Variants in NTHL1 observed in about 807,000 individuals in gnomAD.
NTHL1 encodes nth like DNA glycosylase 1.
In NTHL1, 32 loss-of-function variants were observed where a neutral mutation model predicts 32.3. That is an observed-to-expected ratio of 0.99 (90% CI 0.75 to 1.33). The LOEUF is 1.33. NTHL1 is among the 40% of genes most tolerant of loss of function. NTHL1 has a pLI of 0.00. For missense variants in NTHL1, 501 were observed against 414.1 expected (o/e 1.21, Z -1.82); for synonymous variants, 188 against 176.9 (o/e 1.06, Z -0.50).
chr16:2,040,348 C>T (rs1184865037), intron 4 of NTHL1, 110 bp from the exon 5 acceptor site: 2 of 987,042 alleles, frequency 2.0e-6, no homozygotes, highest in Admixed American at 1.7e-5. Context: ...TCCAGTTAGA[C>T]ATTGGAACCG....
At chr16:2,046,922 A>T (rs1764331778) in intron 1 of NTHL1, 3 of 154,424 alleles carry the variant, frequency 1.9e-5, no homozygotes, top group Admixed American at 1.9e-4. Context: ...CAGTGAGCTG[A>T]GATCACAACA....
chr16:2,044,550 C>G lies in NTHL1; in HGVS notation c.525+80G>C. On this transcript the variant is annotated intron_variant, in intron 3 of 5. Transcript: ENST00000651570. This position sits in a 1 kb window ranked among gnomAD's most constrained non-coding sequence, Gnocchi z 5.0. Reference sequence around the variant, plus strand: ...AGATGCTTGACCCTCACTTCCTGCACCGTCGCCACCCCCCTCAGCCTTCTG... The same window carrying G: ...AGATGCTTGACCCTCACTTCCTGCAGCGTCGCCACCCCCCTCAGCCTTCTG... 6.4e-7 allele frequency: 1 copy of G among 1,571,316 alleles called. No homozygotes were observed. The highest frequency in any genetic ancestry group is 8.6e-7 in the Non-Finnish European group (1 of 1,157,568).
In NTHL1 at chr16:2,039,915, A is replaced by G. The variant is rs2084235434; in HGVS notation, c.*9T>C. The G allele has an allele frequency of 1.9e-6, 3 of 1,600,532 alleles. No individual in the cohort carries two copies. Among genetic ancestry groups the G allele is most frequent in the Non-Finnish European group, 2.5e-6 (3 of 1,179,832 alleles). ...CCACAGCGGCACCTCGGCCAGAGCC[A>G]TGCGGCCATCAGAGACCCTGGGCGG... On this transcript the variant is annotated 3_prime_UTR_variant, in exon 6 of 6. Transcript: ENST00000651570.
At chr16:2,045,047 T>C (rs1040008783) in intron 2 of NTHL1, among the ~76,000 whole-genome samples, 1 of 152,120 alleles carries the variant, frequency 6.6e-6, no homozygotes, top group African/African-American at 2.4e-5. Context: ...GTGCTTAGAA[T>C]CGTATGTGGC....
chr16:2,043,949 C>A lies in NTHL1; in HGVS notation c.526-223G>T. 1.7e-6 allele frequency: 1 copy of A among 581,086 alleles called. No individual in the cohort carries two copies. Among genetic ancestry groups the A allele is most frequent in the Non-Finnish European group, 3.1e-6 (1 of 323,978 alleles). 36.0% of individuals were successfully genotyped at this position (581,086 alleles called of 1,614,324 possible). ...CCCACCCGTGTGGGCCAATGATGCA[C>A]GTGTAGGCTCTGGCTGGGGTTCCCC... On this transcript the variant is annotated intron_variant, in intron 3 of 5. Transcript: ENST00000651570. The surrounding 1 kb of genome is among the most constrained non-coding windows in gnomAD (Gnocchi z 4.4).
rs562415277 is a variant in NTHL1 at position 2,046,712 on chromosome 16, C to G, written c.116-346G>C. On this transcript the variant is annotated intron_variant, in intron 1 of 5. Transcript: ENST00000651570. ...GCCGGCCGGGCGCGGTGGATCAAGC[C>G]TGTAATCCCAGCACTTTGGGAGGCC... 2.8e-3 allele frequency among the ~76,000 whole-genome samples: 427 copies of G among 152,274 alleles called. 4 individuals carry two copies. The highest frequency in any genetic ancestry group is 4.2e-3 in the Non-Finnish European group (283 of 68,012).
At position 2,044,882 on chromosome 16, in the gene NTHL1, C is replaced by T. The variant is rs1276267950; in HGVS notation, c.355-82G>A. 7.6e-6 allele frequency: 11 copies of T among 1,453,626 alleles called. No homozygotes were observed. Among genetic ancestry groups the T allele is most frequent in the South Asian group, 4.0e-5 (3 of 74,884 alleles). 90.0% of individuals were successfully genotyped at this position (1,453,626 alleles called of 1,614,324 possible). On this transcript the variant is annotated intron_variant, in intron 2 of 5. Coordinates refer to ENST00000651570, the MANE Select transcript of NTHL1 (RefSeq NM_002528.7). The surrounding 1 kb of genome is among the most constrained non-coding windows in gnomAD (Gnocchi z 5.0). Reference sequence around the variant, plus strand: ...CAGGCTCCGCCCCCCGCCCTCGACACACCCTGGTTTGTTGCCCTGGGCCAC... The same window carrying T: ...CAGGCTCCGCCCCCCGCCCTCGACATACCCTGGTTTGTTGCCCTGGGCCAC...
intron 4 of NTHL1, chr16:2,042,188 G>A (rs746733282): frequency 5.7e-5 from 25 of 436,552 alleles, no homozygotes; most frequent in African/African-American, 2.2e-4. Flanking sequence ...TCTTGTGCCC[G>A]CTGCTCCCAA....
chr16:2,044,916 C>A lies in NTHL1; in HGVS notation c.355-116G>T. ...TTGTTGCCCTGGGCCACACTTGAGG[C>A]ATCAGCCTCCCCCTGTGGGGTGGGG... is the stretch of plus-strand genomic sequence containing the variant. On this transcript the variant is annotated intron_variant, in intron 2 of 5. Transcript: ENST00000651570. This position sits in a 1 kb window ranked among gnomAD's most constrained non-coding sequence, Gnocchi z 5.0. The A allele has an allele frequency of 8.2e-7, 1 of 1,222,350 alleles. No homozygotes were observed. Among genetic ancestry groups the A allele is most frequent in the Non-Finnish European group, 1.1e-6 (1 of 889,850 alleles). The allele number at this position is 1,222,350 out of a possible 1,614,324, so 75.7% of individuals were successfully genotyped here.
chr16:2,044,162 G>A lies in NTHL1; in HGVS notation c.526-436C>T, dbSNP rs1309506035. 3 of 325,040 alleles carry A rather than the reference G, an allele frequency of 9.2e-6. No homozygotes were observed. Among genetic ancestry groups the A allele is most frequent in the Non-Finnish European group, 1.8e-5 (3 of 168,578 alleles). The allele number at this position is 325,040 out of a possible 1,614,324, so 20.1% of individuals were successfully genotyped here. A position where few individuals can be genotyped will look rare whatever the true frequency, so the allele number is the denominator to read the frequency against. On this transcript the variant is annotated intron_variant, in intron 3 of 5. Coordinates refer to ENST00000651570, the MANE Select transcript of NTHL1 (RefSeq NM_002528.7). This position sits in a 1 kb window ranked among gnomAD's most constrained non-coding sequence, Gnocchi z 5.0. ...AGAGGGCTATTTAAAACCCATCTGAGAAACTGCGGCCCACGCGGGTGCCAA... is the reference window on the plus strand; with the variant it reads ...AGAGGGCTATTTAAAACCCATCTGAAAAACTGCGGCCCACGCGGGTGCCAA...
In NTHL1 at chr16:2,040,164, TCTC is replaced by T. The variant is rs2150938288; in HGVS notation, c.757_759del (p.Glu253del). The T allele has an allele frequency of 6.2e-7, 1 of 1,613,856 alleles. No individual in the cohort carries two copies. Among genetic ancestry groups the T allele is most frequent in the Non-Finnish European group, 8.5e-7 (1 of 1,180,014 alleles). On this transcript the variant is annotated inframe_deletion, in exon 5 of 6. Coordinates refer to ENST00000651570, the MANE Select transcript of NTHL1 (RefSeq NM_002528.7). ...AGCCACTCCTCCAGGGCGGCGCGGG[TCTC>T]CTCTGGGGACTTGGTTGCCTTCTTG... is the stretch of plus-strand genomic sequence containing the variant.
At position 2,043,897 on chromosome 16, in the gene NTHL1, G is replaced by A. The variant is rs989512393; in HGVS notation, c.526-171C>T. 1.1e-5 allele frequency: 8 copies of A among 729,728 alleles called. No homozygotes were observed. In the African/African-American group the frequency reaches 1.2e-4, roughly 11 times the overall value. The allele number at this position is 729,728 out of a possible 1,614,324, so 45.2% of individuals were successfully genotyped here. ...GGGAACAAGCGGAGGGCAGCAGGGA[G>A]GCCCAAGGTAGGCCTGACCCCCTCC... On this transcript the variant is annotated intron_variant, in intron 3 of 5. Coordinates refer to ENST00000651570, the MANE Select transcript of NTHL1 (RefSeq NM_002528.7). This position sits in a 1 kb window ranked among gnomAD's most constrained non-coding sequence, Gnocchi z 4.4.
rs551068959 is a variant in NTHL1, at chr16:2,044,647, G to C, written c.508C>G (p.Pro170Ala). The C allele has an allele frequency of 1.2e-6, 2 of 1,606,856 alleles. No homozygotes were observed. The highest frequency in any genetic ancestry group is 1.7e-5 in the Admixed American group (1 of 60,028). The stretch of plus-strand genomic sequence containing the variant: ...GGGCTCACCCTCCAGAAACCGACGG[G>C]GTAGATGAGCTTGCCCAGCGTGGCA... ...DDATLGKLIY[P>A]VGFWRSKVKY... The change falls in exon 3 of 6, where the codon CCC becomes GCC. Residue 170 changes from proline (P) to alanine (A), a missense_variant. By Grantham distance (27) the Pro-to-Ala change is conservative. Transcript: ENST00000651570. This position sits in a 1 kb window ranked among gnomAD's most constrained non-coding sequence, Gnocchi z 5.0.
intron 4 of NTHL1, chr16:2,042,013 A>C: frequency 2.2e-6 from 1 of 455,708 alleles, no homozygotes. Context: ...TCGGCCTTCC[A>C]AAGTGCTGGG....
At chr16:2,040,408 G>A (rs1421213967) in intron 4 of NTHL1, 170 bp from the exon 5 acceptor site, 2 of 693,072 alleles carry the variant, frequency 2.9e-6, no homozygotes, top group Non-Finnish European at 5.2e-6. Context: ...TGCCCCTGAG[G>A]TGCTGGGGCA....
chr16:2,044,910 T>C lies in NTHL1; in HGVS notation c.355-110A>G, dbSNP rs1218388535. On this transcript the variant is annotated intron_variant, in intron 2 of 5. Coordinates refer to ENST00000651570, the MANE Select transcript of NTHL1 (RefSeq NM_002528.7). This position sits in a 1 kb window ranked among gnomAD's most constrained non-coding sequence, Gnocchi z 5.0. ...CCTGGTTTGTTGCCCTGGGCCACAC[T>C]TGAGGCATCAGCCTCCCCCTGTGGG... is the stretch of plus-strand genomic sequence containing the variant. 9.3e-6 allele frequency: 12 copies of C among 1,287,904 alleles called. No individual in the cohort carries two copies. In the African/African-American group the frequency reaches 1.2e-4, roughly 13 times the overall value. 79.8% of individuals were successfully genotyped at this position (1,287,904 alleles called of 1,614,324 possible).
chr16:2,043,515 A>C lies in NTHL1; in HGVS notation c.685+52T>G. ...AGTCACAGGTCACAAGGATGTGGGG[A>C]ATCCCAAGAGCAGCCAGTGGGCTGG... On this transcript the variant is annotated intron_variant, in intron 4 of 5. Coordinates refer to ENST00000651570, the MANE Select transcript of NTHL1 (RefSeq NM_002528.7). This position sits in a 1 kb window ranked among gnomAD's most constrained non-coding sequence, Gnocchi z 4.4. The C allele has an allele frequency of 6.3e-7, 1 of 1,596,142 alleles. No individual in the cohort carries two copies.
At position 2,040,234 on chromosome 16, in the gene NTHL1, C is replaced by G. The variant is rs756156987; in HGVS notation, c.690G>C (p.Val230=). The G allele has an allele frequency of 6.2e-7, 1 of 1,613,456 alleles. No homozygotes were observed. Among genetic ancestry groups the G allele is most frequent in the African/African-American group, 1.3e-5 (1 of 75,064 alleles). ...TGGCGATTCTGTGCACATGCGTGTC[C>G]ACTGCTGCTGGGAGGCCAAGCGGGG... The part of the protein sequence containing the change: ...VAWGTVSGIA[V]DTHVHRIANR... Residue 230 remains valine, a synonymous_variant, in exon 5 of 6, where the codon GTG becomes GTC. Coordinates refer to ENST00000651570, the MANE Select transcript of NTHL1 (RefSeq NM_002528.7).
intron 1 of NTHL1, 171 bp downstream of exon 1, chr16:2,047,538 T>G: frequency 8.7e-7 from 1 of 1,153,572 alleles, no homozygotes; most frequent in East Asian, 2.7e-5. Context: ...ACCGCAATCT[T>G]TGGGAAAAAG....
Sources: gnomAD v4.1 joint callset for allele counts (sites outside exome capture counted in the v4.1 genomes callset) on GRCh38, gnomAD v4.1.1 for gene constraint, Gnocchi (gnomAD v3.1) non-coding constraint, MANE v1.5 for transcripts, NCBI Gene and HGNC (gene_info 2026-07-23, HGNC 2026-07-21) for gene names.